The following FAM135B variants were observed in gnomAD, a reference collection of about 807,000 sequenced individuals.
FAM135B encodes protein FAM135B.
In FAM135B, 43 loss-of-function variants were observed where a neutral mutation model predicts 127.7. The ratio of observed to expected loss-of-function variants is 0.34; its 90% confidence interval spans 0.26 to 0.43. The LOEUF is 0.43. Among genes scored for constraint, FAM135B ranks in the 20% least tolerant of loss-of-function variants. The pLI is 1.00. For missense variants in FAM135B, 1,558 were observed against 1,725.6 expected, an observed-to-expected ratio of 0.90 and a Z score of 1.72; for synonymous variants, 670 against 665.1, an observed-to-expected ratio of 1.01 and a Z score of -0.11.
intron 1 of FAM135B, among the ~76,000 whole-genome samples, chr8:138,425,882 C>A (rs188986491): frequency 1.3e-5 from 2 of 150,228 alleles, no homozygotes; most frequent in Non-Finnish European, 3.0e-5. Flanking sequence ...GTCGTGGAGG[C>A]TCATGCCTGT....
At chr8:138,472,651 G>C (rs529647612) in intron 1 of FAM135B, among the ~76,000 whole-genome samples, 4 of 152,218 alleles carry the variant, frequency 2.6e-5, no homozygotes, top group African/African-American at 7.2e-5. Flanking sequence ...GAGGAAGGAG[G>C]TGTTAAAGGG....
intron 3 of FAM135B, among the ~76,000 whole-genome samples, chr8:138,290,077 C>T (rs1247312072): frequency 6.6e-6 from 1 of 152,132 alleles, no homozygotes; most frequent in Non-Finnish European, 1.5e-5. Context: ...CAGAGGGTTG[C>T]CTCTCAGTGA....
chr8:138,494,226 G>T, intron 1 of FAM135B, among the ~76,000 whole-genome samples: 1 of 152,240 alleles, frequency 6.6e-6, no homozygotes, highest in East Asian at 1.9e-4. Context: ...GATGGCAAAA[G>T]CAGCCAGGAA....
At position 138,139,223 on chromosome 8, in the gene FAM135B, C is replaced by T. The variant is rs371955242; in HGVS notation, c.3791-127G>A. 3.8e-5 allele frequency: 23 copies of T among 600,228 alleles called. No homozygotes were observed. In the African/African-American group the frequency reaches 4.3e-4, roughly 11 times the overall value. The allele number at this position is 600,228 out of a possible 1,614,324, so 37.2% of individuals were successfully genotyped here. ...AACTTGAAAATAAGAGAGAAGTAGG[C>T]ATACTAGCAAATAGTTGGGAAGTTA... On this transcript the variant is annotated intron_variant, in intron 17 of 19. Coordinates refer to ENST00000395297, the MANE Select transcript of FAM135B (RefSeq NM_015912.4).
At chr8:138,156,214 T>C (rs1818725964) in intron 12 of FAM135B, among the ~76,000 whole-genome samples, 1 of 152,080 alleles carries the variant, frequency 6.6e-6, no homozygotes, top group Non-Finnish European at 1.5e-5. Context: ...CATAATGAAA[T>C]GAAGGCAGAA....
Position 138,141,947 on chromosome 8 carries a change from T to C in FAM135B, c.3639-598A>G, listed in dbSNP as rs1799514958. Among the ~76,000 whole-genome samples the C allele has an allele frequency of 1.3e-5, 2 of 152,170 alleles. No homozygotes were observed. The highest frequency in any genetic ancestry group is 4.8e-5 in the African/African-American group (2 of 41,436). On this transcript the variant is annotated intron_variant, in intron 16 of 19. Coordinates refer to ENST00000395297, the MANE Select transcript of FAM135B (RefSeq NM_015912.4). This position sits in a 1 kb window ranked among gnomAD's most constrained non-coding sequence, Gnocchi z 4.7. ...TGAGAGCCTATTATATGAGAGGCTATACCTCCCCACCTCTACTCATGATGA... is the reference window on the plus strand; with the variant it reads ...TGAGAGCCTATTATATGAGAGGCTACACCTCCCCACCTCTACTCATGATGA...
In FAM135B at chr8:138,152,189, C is replaced by T. The variant is rs2130759847; in HGVS notation, c.2286G>A (p.Val762=). 1 of 1,614,074 alleles carries T rather than the reference C, an allele frequency of 6.2e-7. No homozygotes were observed. Among genetic ancestry groups the T allele is most frequent in the Non-Finnish European group, 8.5e-7 (1 of 1,180,022 alleles). ...SLPFEEDERE[V]ALTKLTKSVS... is the part of the protein sequence containing the mutation. ...CAGACTTGGTTAACTTAGTGAGTGC[C>T]ACCTCCCGCTCATCCTCCTCAAAAG... is the stretch of plus-strand genomic sequence containing the variant. The change falls in exon 13 of 20, where the codon GTG becomes GTA. Residue 762 remains valine (V), a synonymous_variant. Transcript: ENST00000395297.
chr8:138,311,143 A>C (rs1456617639), intron 2 of FAM135B, among the ~76,000 whole-genome samples: 1 of 152,224 alleles, frequency 6.6e-6, no homozygotes, highest in Non-Finnish European at 1.5e-5. Flanking sequence ...TTGAGATCAC[A>C]CAAGACTGAA....
At chr8:138,400,969 A>T (rs557102949) in intron 1 of FAM135B, among the ~76,000 whole-genome samples, 1 of 152,242 alleles carries the variant, frequency 6.6e-6, no homozygotes, top group Non-Finnish European at 1.5e-5. Flanking sequence ...ATTGCAAAGG[A>T]CTGTGCACTT....
chr8:138,193,522 T>C (rs1365723437), intron 9 of FAM135B, among the ~76,000 whole-genome samples: 2 of 152,142 alleles, frequency 1.3e-5, no homozygotes, highest in African/African-American at 4.8e-5. Flanking sequence ...AAAAGCCGAG[T>C]TGGAAAGCTG....
At chr8:138,444,881 A>G (rs1836021942) in intron 1 of FAM135B, among the ~76,000 whole-genome samples, 1 of 152,318 alleles carries the variant, frequency 6.6e-6, no homozygotes, top group African/African-American at 2.4e-5. Flanking sequence ...TTTTGAAAAG[A>G]TCAACAAAAT....
chr8:138,336,604 G>A (rs1355555259), intron 2 of FAM135B, among the ~76,000 whole-genome samples: 3 of 152,096 alleles, frequency 2.0e-5, no homozygotes, highest in Non-Finnish European at 4.4e-5. Context: ...CTCAAATTGA[G>A]GCAATAACTA....
At chr8:138,471,828 A>T (rs1323951335) in intron 1 of FAM135B, among the ~76,000 whole-genome samples, 1 of 152,208 alleles carries the variant, frequency 6.6e-6, no homozygotes, top group Non-Finnish European at 1.5e-5. Flanking sequence ...AGAATTAGAG[A>T]TAACGTACAC....
intron 1 of FAM135B, among the ~76,000 whole-genome samples, chr8:138,399,745 A>T (rs145039920): frequency 6.6e-6 from 1 of 152,060 alleles, no homozygotes; most frequent in Non-Finnish European, 1.5e-5. Context: ...CTACCTAATA[A>T]CTCCCCAGGC....
chr8:138,380,762 A>C (rs572299545), intron 1 of FAM135B, among the ~76,000 whole-genome samples: 51 of 152,204 alleles, frequency 3.4e-4, no homozygotes, highest in Admixed American at 2.2e-3. Flanking sequence ...AAAAAAAGTA[A>C]CAAACAACAA....
At chr8:138,207,340 C>T (rs1363470929) in intron 7 of FAM135B, among the ~76,000 whole-genome samples, 1 of 151,596 alleles carries the variant, frequency 6.6e-6, no homozygotes, top group East Asian at 1.9e-4. Context: ...TCCCAACTAG[C>T]TGGGATTACA....
chr8:138,404,228 C>T (rs953116009), intron 1 of FAM135B, among the ~76,000 whole-genome samples: 7 of 151,890 alleles, frequency 4.6e-5, no homozygotes, highest in African/African-American at 9.7e-5. Flanking sequence ...AAGTTATGTT[C>T]GCACTATAAT....
At chr8:138,183,112 C>T (rs542154098) in intron 9 of FAM135B, among the ~76,000 whole-genome samples, 1 of 129,296 alleles carries the variant, frequency 7.7e-6, no homozygotes, top group Admixed American at 8.3e-5. Flanking sequence ...CCTACATATA[C>T]AAGGGGGGTG....
At chr8:138,181,781 T>C (rs1381274752) in intron 9 of FAM135B, among the ~76,000 whole-genome samples, 1 of 152,220 alleles carries the variant, frequency 6.6e-6, no homozygotes, top group African/African-American at 2.4e-5. Context: ...ATGACTCTTC[T>C]GAACCTTCTC....
Sources: allele counts gnomAD v4.1 joint callset (sites outside exome capture counted in the v4.1 genomes callset), GRCh38; gene constraint gnomAD v4.1.1; non-coding constraint Gnocchi (gnomAD v3.1); transcripts MANE v1.5; gene names NCBI Gene and HGNC (gene_info 2026-07-23, HGNC 2026-07-21).